The following SGSH variants were observed in gnomAD, a reference collection of about 807,000 sequenced individuals.
SGSH encodes heparan sulfate sulfatase.
In SGSH, 48 loss-of-function variants were observed where a neutral mutation model predicts 51.0. The ratio of observed to expected loss-of-function variants is 0.94; its 90% CI spans 0.75 to 1.20. SGSH has a LOEUF of 1.20. SGSH is among the 50% of genes most tolerant of loss of function. SGSH has a pLI of 0.00. For missense variants in SGSH, 662 were observed against 717.8 expected, an observed-to-expected ratio of 0.92 and a Z score of 0.89; for synonymous variants, 321 against 313.4, an observed-to-expected ratio of 1.02 and a Z score of -0.26.
At position 80,209,727 on chromosome 17, in the gene SGSH, G is replaced by A. The variant is rs574803653; in HGVS notation, c.*725C>T. ...GAAGAATTAACCCAAGCCAGAGGAC[G>A]GGCATCGCCATGCCTTCATCTTCGG... On this transcript the variant is annotated 3_prime_UTR_variant, in exon 8 of 8. Transcript: ENST00000326317. The A allele has an allele frequency of 1.2e-4, 123 of 985,444 alleles. 1 individual carries two copies. The African/African-American group carries it at 1.6e-3, about 13-fold the overall frequency. The allele number at this position is 985,444 out of a possible 1,614,324, so 61.0% of individuals were successfully genotyped here.
chr17:80,205,518 A>T, downstream of SGSH: 1 of 1,581,870 alleles, frequency 6.3e-7, no homozygotes, highest in Non-Finnish European at 8.6e-7. Flanking sequence ...GCCCCGTCCA[A>T]TGTCACCTGT....
downstream of SGSH, chr17:80,203,780 G>A: frequency 6.6e-7 from 1 of 1,522,866 alleles, no homozygotes; most frequent in Non-Finnish European, 8.9e-7. This position sits in a 1 kb window ranked among gnomAD's most constrained non-coding sequence, Gnocchi z 4.6. Flanking sequence ...CTGCTCACCT[G>A]GCAGGAGGCA....
intron 1 of SGSH, among the ~76,000 whole-genome samples, chr17:80,219,374 G>C (rs1218323346): frequency 6.6e-6 from 1 of 152,116 alleles, no homozygotes; most frequent in Admixed American, 6.5e-5. Flanking sequence ...TGTTTAAGCC[G>C]ATCCATGGCA....
downstream of SGSH, chr17:80,202,070 C>A: frequency 8.1e-7 from 1 of 1,236,350 alleles, no homozygotes; most frequent in Admixed American, 2.0e-5. Flanking sequence ...GCCAGAGCAG[C>A]TTCTGAGACT....
downstream of SGSH, chr17:80,208,131 T>C: frequency 2.1e-6 from 3 of 1,451,360 alleles, no homozygotes; most frequent in South Asian, 3.8e-5. Context: ...AACTCTGGCC[T>C]GTGCAGGAAG....
At chr17:80,205,543 A>G (rs1474778510), downstream of SGSH, 3 of 1,586,292 alleles carry the variant, frequency 1.9e-6, no homozygotes, top group African/African-American at 1.3e-5. Flanking sequence ...TACTTGAGCC[A>G]GGAGGAGTAT....
Position 80,210,410 on chromosome 17 carries a change from C to T in SGSH, c.*42G>A. On this transcript the variant is annotated 3_prime_UTR_variant, in exon 8 of 8. Coordinates refer to ENST00000326317, the MANE Select transcript of SGSH (RefSeq NM_000199.5). ...CCACACGGACACGTGTGGGATGTGTCTGGGACATGCCTGGGATGTGTGCAC... is the reference window on the plus strand; with the variant it reads ...CCACACGGACACGTGTGGGATGTGTTTGGGACATGCCTGGGATGTGTGCAC... The T allele has an allele frequency of 6.5e-7, 1 of 1,547,700 alleles. No homozygotes were observed. The highest frequency in any genetic ancestry group is 1.2e-5 in the South Asian group (1 of 85,114).
chr17:80,211,651 G>C (rs753867074), intron 7 of SGSH: 21 of 330,060 alleles, frequency 6.4e-5, no homozygotes, highest in Non-Finnish European at 9.4e-5. Context: ...GCTCAGAGAG[G>C]GGTCCCCAGG....
chr17:80,216,349 C>T (rs2041892805), intron 2 of SGSH, among the ~76,000 whole-genome samples: 1 of 151,970 alleles, frequency 6.6e-6, no homozygotes, highest in Non-Finnish European at 1.5e-5. Context: ...AGGACTAGTC[C>T]TGTGTGATTC....
At position 80,214,159 on chromosome 17, in the gene SGSH, G is replaced by C. The variant is rs760216365; in HGVS notation, c.663+13C>G. 1.9e-6 allele frequency: 3 copies of C among 1,602,734 alleles called. No homozygotes were observed. The highest frequency in any genetic ancestry group is 2.6e-6 in the Non-Finnish European group (3 of 1,175,876). On this transcript the variant is annotated intron_variant, in intron 5 of 7. Coordinates refer to ENST00000326317, the MANE Select transcript of SGSH (RefSeq NM_000199.5). ...CTGACGGGCGTCCTGAAACACAGGA[G>C]GGGCCGTCCTACCAGCACGTCCAGT...
chr17:80,214,383 G>A, intron 4 of SGSH, 55 bp from the exon 5 acceptor site: 3 of 1,587,076 alleles, frequency 1.9e-6, no homozygotes, highest in Non-Finnish European at 8.6e-7. Flanking sequence ...ACGTGGCACA[G>A]GAAGCCCCTC....
intron 3 of SGSH, 41 bp downstream of exon 3, chr17:80,214,992 G>A: frequency 5.1e-6 from 8 of 1,553,738 alleles, no homozygotes; most frequent in Non-Finnish European, 7.0e-6. Context: ...CCTGGCCTCT[G>A]TGCCTCACCC....
chr17:80,215,013 C>G lies in SGSH; in HGVS notation c.355+20G>C. 6.3e-7 allele frequency: 1 copy of G among 1,595,528 alleles called. No homozygotes were observed. The highest frequency in any genetic ancestry group is 1.3e-5 in the African/African-American group (1 of 74,828). On this transcript the variant is annotated intron_variant, in intron 3 of 7. Coordinates refer to ENST00000326317, the MANE Select transcript of SGSH (RefSeq NM_000199.5). ...CTCTGTGCCTCACCCCACGCCCTGT[C>G]CTCGGCACGGGGTCCTCACCTGTGC...
intron 2 of SGSH, among the ~76,000 whole-genome samples, 194 bp from the exon 3 acceptor site, chr17:80,215,332 A>G (rs1455861193): frequency 6.6e-6 from 1 of 152,192 alleles, no homozygotes; most frequent in African/African-American, 2.4e-5. Context: ...CCTCCCGTGA[A>G]AGGAGGACTT....
chr17:80,211,334 T>C (rs1453269199), intron 7 of SGSH: 3 of 470,810 alleles, frequency 6.4e-6, no homozygotes, highest in South Asian at 2.2e-5. Flanking sequence ...GGCTCATCAT[T>C]TGGGGCCAGA....
chr17:80,211,191 G>GA, intron 7 of SGSH, 180 bp from the exon 8 acceptor site: 4 of 1,480,086 alleles, frequency 2.7e-6, no homozygotes, highest in Non-Finnish European at 3.6e-6. Flanking sequence ...TCAGTGCCTT[G>GA]AATGGTATAA....
chr17:80,214,524 C>T, intron 4 of SGSH, 91 bp downstream of exon 4: 5 of 1,429,466 alleles, frequency 3.5e-6, no homozygotes, highest in Non-Finnish European at 4.8e-6. Flanking sequence ...CCATTCGAGC[C>T]ACGTGGGGGC....
At chr17:80,203,765 CT>C (rs1260621655), downstream of SGSH, 31 of 1,433,812 alleles carry the variant, frequency 2.2e-5, no homozygotes, top group African/African-American at 3.5e-4. The surrounding 1 kb of genome is among the most constrained non-coding windows in gnomAD (Gnocchi z 4.6). Flanking sequence ...CGGCTCTCCC[CT>C]GCCCTGCTCA....
downstream of SGSH, chr17:80,202,761 C>T (rs190128165): frequency 1.3e-3 from 510 of 383,706 alleles, 3 homozygotes; most frequent in African/African-American, 9.4e-3. Context: ...CCTGGCCGCC[C>T]TACCCAGGAT....
Sources: gnomAD v4.1 joint callset for allele counts (sites outside exome capture counted in the v4.1 genomes callset) on GRCh38, gnomAD v4.1.1 for gene constraint, Gnocchi (gnomAD v3.1) non-coding constraint, MANE v1.5 for transcripts, NCBI Gene and HGNC (gene_info 2026-07-23, HGNC 2026-07-21) for gene names.